RNF220: variants seen among roughly 807,000 people sequenced by gnomAD.
RNF220 encodes the protein E3 ubiquitin-protein ligase RNF220.
Under a neutral mutation model 67.1 loss-of-function variants are expected in RNF220, and 7 were observed. The ratio of observed to expected loss-of-function variants is 0.10; its 90% CI spans 0.06 to 0.20. The LOEUF (loss-of-function observed/expected upper bound fraction) is 0.20, where lower values mean the gene tolerates loss of function less well. RNF220 is among the 10% of genes least tolerant of loss of function. The probability of loss-of-function intolerance (pLI) is 1.00; values close to 1 mark genes in which losing one functional copy is unlikely to be tolerated. For missense variants in RNF220, 565 were observed against 740.3 expected (o/e 0.76, Z 2.75); for synonymous variants, 270 against 283.2 (o/e 0.95, Z 0.47).
intron 2 of RNF220, among the ~76,000 whole-genome samples, chr1:44,460,808 T>C (rs1024192019): frequency 2.0e-5 from 3 of 152,242 alleles, no homozygotes; most frequent in African/African-American, 7.2e-5. Context: ...AGATTGAATA[T>C]AGCTGCAGAG....
rs114058804 is a variant in RNF220, at chr1:44,497,680, A to G, written c.625+84958A>G. 6.6e-3 allele frequency among the ~76,000 whole-genome samples: 1,008 copies of G among 152,184 alleles called. 11 individuals are homozygous for G. Among genetic ancestry groups the G allele is most frequent in the African/African-American group, 0.023 (961 of 41,512 alleles). On this transcript the variant is annotated intron_variant, in intron 2 of 14. Transcript: ENST00000361799. ...TAAGGTCAGACCTCGTGAGTATGTG[A>G]TCATCCCCATCCCTTTCCTTGGTAC...
chr1:44,607,829 C>T (rs1195514640), intron 2 of RNF220, among the ~76,000 whole-genome samples: 1 of 152,056 alleles, frequency 6.6e-6, no homozygotes, highest in Non-Finnish European at 1.5e-5. Flanking sequence ...TTCCCCCAAT[C>T]ACTGTTTGAC....
intron 2 of RNF220, among the ~76,000 whole-genome samples, chr1:44,509,766 C>CA (rs1658789897): frequency 6.8e-6 from 1 of 147,218 alleles, no homozygotes; most frequent in Admixed American, 6.9e-5. Flanking sequence ...ACACACCTGT[C>CA]ATCCCAGCTA....
chr1:44,641,910 A>G (rs1163939764), intron 8 of RNF220, among the ~76,000 whole-genome samples: 2 of 152,266 alleles, frequency 1.3e-5, no homozygotes, highest in Non-Finnish European at 2.9e-5. Context: ...CTCACTGGCC[A>G]GCGGAACAGA....
intron 2 of RNF220, among the ~76,000 whole-genome samples, chr1:44,535,559 T>G (rs1661157231): frequency 6.6e-6 from 1 of 152,184 alleles, no homozygotes; most frequent in African/African-American, 2.4e-5. Context: ...CAATTTGAAT[T>G]TAGTTTGTGA....
intron 2 of RNF220, among the ~76,000 whole-genome samples, chr1:44,468,452 C>T (rs895677450): frequency 6.6e-6 from 1 of 152,096 alleles, no homozygotes; most frequent in African/African-American, 2.4e-5. Context: ...GGAAGATAAA[C>T]AGCTATATAT....
intron 2 of RNF220, among the ~76,000 whole-genome samples, chr1:44,564,383 A>G (rs947426873): frequency 1.3e-5 from 2 of 152,152 alleles, no homozygotes; most frequent in East Asian, 3.9e-4. Flanking sequence ...AGATTCTGAT[A>G]TAATTGATCT....
At chr1:44,524,612 C>T (rs1232786167) in intron 2 of RNF220, among the ~76,000 whole-genome samples, 1 of 152,206 alleles carries the variant, frequency 6.6e-6, no homozygotes, top group East Asian at 1.9e-4. Flanking sequence ...CCGTCTCTTC[C>T]TCCGCATCTC....
intron 2 of RNF220, among the ~76,000 whole-genome samples, chr1:44,591,602 C>T (rs981062717): frequency 3.9e-5 from 6 of 152,196 alleles, no homozygotes; most frequent in African/African-American, 1.4e-4. Flanking sequence ...ATGGCCAGAG[C>T]GTGAACTTCT....
At chr1:44,509,794 C>T (rs1295607961) in intron 2 of RNF220, among the ~76,000 whole-genome samples, 1 of 131,694 alleles carries the variant, frequency 7.6e-6, no homozygotes, top group Non-Finnish European at 1.6e-5. Context: ...GGCTAAGGCA[C>T]GAGAATTGCT....
intron 2 of RNF220, among the ~76,000 whole-genome samples, chr1:44,588,050 G>A (rs777041565): frequency 1.3e-5 from 2 of 152,168 alleles, no homozygotes; most frequent in South Asian, 2.1e-4. Flanking sequence ...CTCTGTACCC[G>A]CTAGAGTGAA....
chr1:44,554,222 C>T (rs1023376924), intron 2 of RNF220, among the ~76,000 whole-genome samples: 28 of 152,018 alleles, frequency 1.8e-4, no homozygotes, highest in Non-Finnish European at 7.4e-5. Context: ...AGGGCTGGGT[C>T]TTCTTATCCA....
chr1:44,430,089 C>T (rs1433965238), intron 2 of RNF220, among the ~76,000 whole-genome samples: 3 of 150,328 alleles, frequency 2.0e-5, no homozygotes, highest in Non-Finnish European at 4.4e-5. Flanking sequence ...AAAAAAAAAC[C>T]TCATAGAAAA....
chr1:44,513,778 C>T (rs577920091), intron 2 of RNF220, among the ~76,000 whole-genome samples: 2 of 152,278 alleles, frequency 1.3e-5, no homozygotes, highest in South Asian at 4.1e-4. Context: ...ATGGGTCATC[C>T]TCTGCATGTG....
chr1:44,630,856 G>C (rs929454960), intron 5 of RNF220, among the ~76,000 whole-genome samples: 5 of 152,242 alleles, frequency 3.3e-5, no homozygotes, highest in Non-Finnish European at 1.5e-5. Context: ...TGGCAAGGCA[G>C]ACAGGGAAGG....
intron 1 of RNF220, among the ~76,000 whole-genome samples, chr1:44,407,335 G>C (rs1001782787): frequency 6.6e-6 from 1 of 152,198 alleles, no homozygotes; most frequent in Non-Finnish European, 1.5e-5. Context: ...GAGGGGACTG[G>C]GGGGAGCAGA....
At chr1:44,575,576 A>G (rs1664745814) in intron 2 of RNF220, among the ~76,000 whole-genome samples, 1 of 152,222 alleles carries the variant, frequency 6.6e-6, no homozygotes. Context: ...TCACCAGGGA[A>G]ATGCAAACCA....
intron 5 of RNF220, among the ~76,000 whole-genome samples, chr1:44,630,187 A>C (rs1391926303): frequency 2.0e-5 from 3 of 152,166 alleles, no homozygotes; most frequent in Admixed American, 1.3e-4. Flanking sequence ...ATCCTCCTGC[A>C]TTGGCTTTCC....
chr1:44,472,677 C>G (rs771221449), intron 2 of RNF220, among the ~76,000 whole-genome samples: 61 of 152,232 alleles, frequency 4.0e-4, no homozygotes, highest in Non-Finnish European at 3.1e-4. Context: ...TGGCCTCAGC[C>G]TTCCGGTCCA....
Sources: allele counts gnomAD v4.1 joint callset (sites outside exome capture counted in the v4.1 genomes callset), GRCh38; gene constraint gnomAD v4.1.1; transcripts MANE v1.5; gene names NCBI Gene and HGNC (gene_info 2026-07-23, HGNC 2026-07-21).